Variants in OTUD7B observed in about 807,000 individuals in gnomAD.
The protein encoded by OTUD7B is OTU deubiquitinase 7B.
In OTUD7B, 34 loss-of-function variants were observed where a neutral mutation model predicts 82.2. The observed-to-expected ratio is 0.41, with a 90% CI of 0.31 to 0.55. The LOEUF is 0.55. Among genes scored for constraint, OTUD7B ranks in the 20% least tolerant of loss-of-function variants. OTUD7B has a pLI of 0.20. For missense variants in OTUD7B, 944 were observed against 1,062.1 expected (o/e 0.89, Z 1.55); for synonymous variants, 398 against 402.7 (o/e 0.99, Z 0.14).
upstream of OTUD7B, among the ~76,000 whole-genome samples, chr1:150,014,058 ATGTGTGTG>A (rs782449466): frequency 5.7e-5 from 5 of 87,520 alleles, no homozygotes; most frequent in African/African-American, 1.3e-4. Context: ...GTGTATATAT[ATGTGTGTG>A]TGTGTGTGTG....
At chr1:149,992,053 C>G (rs1394884517) in intron 1 of OTUD7B, among the ~76,000 whole-genome samples, 8 of 152,030 alleles carry the variant, frequency 5.3e-5, no homozygotes, top group African/African-American at 1.9e-4. Context: ...CATGGTGAAA[C>G]CCCATCTCTA....
chr1:150,030,180 A>G, the OTUD7B span, among the ~76,000 whole-genome samples: 1 of 152,218 alleles, frequency 6.6e-6, no homozygotes, highest in Admixed American at 6.5e-5. Flanking sequence ...TTTAACCACC[A>G]TCTTCCTTTA....
At chr1:149,980,705 C>G (rs1477160278) in intron 1 of OTUD7B, among the ~76,000 whole-genome samples, 2 of 146,288 alleles carry the variant, frequency 1.4e-5, no homozygotes, top group Admixed American at 1.4e-4. Flanking sequence ...GAGCAAGACT[C>G]TGTCTCGAAA....
intron 1 of OTUD7B, among the ~76,000 whole-genome samples, chr1:149,980,113 T>A (rs974125223): frequency 1.3e-5 from 2 of 151,728 alleles, no homozygotes; most frequent in Non-Finnish European, 2.9e-5. Context: ...GAGAAGTGAA[T>A]GAAAACTAGT....
chr1:150,062,104 C>A, the OTUD7B span, among the ~76,000 whole-genome samples: 1 of 152,170 alleles, frequency 6.6e-6, no homozygotes, highest in Non-Finnish European at 1.5e-5. Flanking sequence ...CATTTGGGGG[C>A]CACTTTGCAC....
At chr1:150,015,290 C>CTTTTTTTTTTTTTTTT (rs60374988), upstream of OTUD7B, among the ~76,000 whole-genome samples, 16 of 128,966 alleles carry the variant, frequency 1.2e-4, no homozygotes, top group Admixed American at 2.6e-4. Flanking sequence ...TTTTCTTTCT[C>CTTTTTTTTTTTTTTTT]TTTTTTTTTT....
rs1553771121 is a variant in OTUD7B at position 149,944,020 on chromosome 1, C to G, written c.2369G>C (p.Gly790Ala). The G allele has an allele frequency of 6.2e-7, 1 of 1,614,234 alleles. No homozygotes were observed. ...REPPEPDGWA[G>A]GLRGLPPTQT... Reference sequence around the variant, plus strand: ...AGTTGGGGGAAGGCCCCGGAGACCTCCAGCCCATCCATCTGGCTCAGGGGG... The same window carrying G: ...AGTTGGGGGAAGGCCCCGGAGACCTGCAGCCCATCCATCTGGCTCAGGGGG... Residue 790 changes from glycine (G) to alanine (A), a missense_variant, in exon 12 of 12, where the codon GGA becomes GCA. By Grantham distance (60) the Gly-to-Ala change is moderately conservative. Around this residue, in one of 3 missense-constraint regions of OTUD7B, gnomAD observed 412 missense variants for 418.7 expected, o/e 0.98. Coordinates refer to ENST00000581312, the MANE Select transcript of OTUD7B (RefSeq NM_020205.4).
upstream of OTUD7B, among the ~76,000 whole-genome samples, chr1:150,013,998 A>G (rs1379754224): frequency 7.3e-6 from 1 of 137,334 alleles, no homozygotes; most frequent in Non-Finnish European, 1.6e-5. Flanking sequence ...ACATATATAC[A>G]CACATATATA....
the OTUD7B span, among the ~76,000 whole-genome samples, chr1:150,065,942 T>A: frequency 3.3e-5 from 5 of 151,514 alleles, no homozygotes; most frequent in Non-Finnish European, 7.3e-5. Context: ...TTAGTAAGTG[T>A]CAAGTAGGTA....
At chr1:150,067,608 T>G in the OTUD7B span, 2 of 488,758 alleles carry the variant, frequency 4.1e-6, no homozygotes, top group Non-Finnish European at 3.6e-6. Context: ...AGGCCGCAGG[T>G]GGGTGGAGAA....
intron 1 of OTUD7B, among the ~76,000 whole-genome samples, chr1:149,994,487 A>C (rs1651794513): frequency 6.8e-6 from 1 of 147,558 alleles, no homozygotes; most frequent in African/African-American, 2.5e-5. Context: ...AGGCTGAGGC[A>C]GGAGAATCGC....
the OTUD7B span, among the ~76,000 whole-genome samples, chr1:150,026,572 A>G: frequency 6.6e-6 from 1 of 152,182 alleles, no homozygotes; most frequent in Admixed American, 6.5e-5. Flanking sequence ...GTGCAAAGGT[A>G]ACACATAGTC....
At chr1:150,019,078 G>C in the OTUD7B span, among the ~76,000 whole-genome samples, 1 of 152,168 alleles carries the variant, frequency 6.6e-6, no homozygotes, top group Non-Finnish European at 1.5e-5. Context: ...GGACACAGTT[G>C]TTACTAGTGT....
intron 7 of OTUD7B, among the ~76,000 whole-genome samples, chr1:149,954,146 C>T (rs1249316493): frequency 6.6e-6 from 1 of 152,144 alleles, no homozygotes. Context: ...GGAATGCTTC[C>T]AGTTTCTGCC....
chr1:149,981,704 T>C (rs1388568547), intron 1 of OTUD7B, among the ~76,000 whole-genome samples: 1 of 152,248 alleles, frequency 6.6e-6, no homozygotes, highest in Admixed American at 6.5e-5. Context: ...CCTCATTGTA[T>C]AAACTTAACA....
At chr1:150,007,897 C>G (rs9988489) in intron 1 of OTUD7B, among the ~76,000 whole-genome samples, 3 of 152,068 alleles carry the variant, frequency 2.0e-5, no homozygotes, top group African/African-American at 7.3e-5. Context: ...TTTCAAAGCG[C>G]TGTTTAAGGA....
At position 149,967,436 on chromosome 1, in the gene OTUD7B, A is replaced by G. The variant is rs1483908874; in HGVS notation, c.360T>C (p.Gly120=). The G allele has an allele frequency of 5.0e-6, 8 of 1,613,764 alleles. No individual in the cohort carries two copies. Among genetic ancestry groups the G allele is most frequent in the Non-Finnish European group, 6.8e-6 (8 of 1,179,882 alleles). Residue 120 remains glycine (G), a synonymous_variant, in exon 4 of 12, where the codon GGT becomes GGC. Coordinates refer to ENST00000581312, the MANE Select transcript of OTUD7B (RefSeq NM_020205.4). ...CCAGGGGGTGCTCATTGCTCCCCCCACCCCCACCATTGGAGGAGACATGGG... is the reference window on the plus strand; with the variant it reads ...CCAGGGGGTGCTCATTGCTCCCCCCGCCCCCACCATTGGAGGAGACATGGG... ...ARSHVSSNGG[G]GGSNEHPLEM...
the OTUD7B span, among the ~76,000 whole-genome samples, chr1:150,061,055 AT>A: frequency 6.6e-6 from 1 of 152,098 alleles, no homozygotes; most frequent in Non-Finnish European, 1.5e-5. Context: ...AACAAAAAAA[AT>A]TTTTTTTGTT....
At chr1:150,004,467 C>T (rs183254201) in intron 1 of OTUD7B, among the ~76,000 whole-genome samples, 21 of 151,700 alleles carry the variant, frequency 1.4e-4, no homozygotes, top group East Asian at 1.9e-4. Flanking sequence ...GGCTGAGGCA[C>T]GAGAATCACT....
Sources: allele counts gnomAD v4.1 joint callset (sites outside exome capture counted in the v4.1 genomes callset), GRCh38; gene constraint gnomAD v4.1.1; regional missense constraint gnomAD v4.1.1; transcripts MANE v1.5; gene names NCBI Gene and HGNC (gene_info 2026-07-23, HGNC 2026-07-21).